Variants in VARS2 observed in about 807,000 individuals in gnomAD.
VARS2 encodes the protein valyl-tRNA synthetase 2, mitochondrial.
Under a neutral mutation model 154.1 loss-of-function variants are expected in VARS2, and 105 were observed. That is an observed-to-expected ratio of 0.68 (90% CI 0.58 to 0.80). The LOEUF (loss-of-function observed/expected upper bound fraction) is 0.80. VARS2 is among the 30% of genes least tolerant of loss of function. VARS2 has a pLI of 0.00. For synonymous variants in VARS2, 483 were observed against 539.5 expected (o/e 0.90, Z 1.45); for missense variants, 1,157 against 1,361.4 (o/e 0.85, Z 2.36).
rs1794350030 is a variant in VARS2, at chr6:30,919,097, C to G, written c.1074+182C>G. The G allele has an allele frequency of 5.0e-6, 3 of 602,494 alleles. No homozygotes were observed. The highest frequency in any genetic ancestry group is 8.7e-6 in the Non-Finnish European group (3 of 343,460). 37.3% of individuals were successfully genotyped at this position (602,494 alleles called of 1,614,324 possible). A position where few individuals can be genotyped will look rare whatever the true frequency, so the allele number is the denominator to read the frequency against. ...TTTCTGTAGCTCAGGGGTTGACAAA[C>G]TGGCCCATGGTCCTAATCCAGCTTG... is the stretch of plus-strand genomic sequence containing the variant. On this transcript the variant is annotated intron_variant, in intron 11 of 29. Transcript: ENST00000676266. The surrounding 1 kb of genome is among the most constrained non-coding windows in gnomAD (Gnocchi z 4.5).
chr6:30,914,959 G>A lies in VARS2; in HGVS notation c.123G>A (p.Arg41=). The A allele has an allele frequency of 6.2e-7, 1 of 1,613,074 alleles. No individual in the cohort carries two copies. Among genetic ancestry groups the A allele is most frequent in the Non-Finnish European group, 8.5e-7 (1 of 1,180,038 alleles). ...AGCCCCATGGATCTCCCATCTCCCG[G>A]AGGAACCGTGAAGCCAAACAGAAGC... is the stretch of plus-strand genomic sequence containing the variant. ...QSEPHGSPIS[R]RNREAKQKRL... Residue 41 remains arginine, a synonymous_variant, in exon 2 of 30, where the codon CGG becomes CGA. Coordinates refer to ENST00000676266, the MANE Select transcript of VARS2 (RefSeq NM_020442.6).
At position 30,921,412 on chromosome 6, in the gene VARS2, A is replaced by G. The variant is rs1390855647; in HGVS notation, c.1632+107A>G. The G allele has an allele frequency of 3.4e-6, 5 of 1,477,786 alleles. No individual in the cohort carries two copies. Among genetic ancestry groups the G allele is most frequent in the Non-Finnish European group, 4.7e-6 (5 of 1,068,088 alleles). 91.5% of individuals were successfully genotyped at this position (1,477,786 alleles called of 1,614,324 possible). On this transcript the variant is annotated intron_variant, in intron 17 of 29. Coordinates refer to ENST00000676266, the MANE Select transcript of VARS2 (RefSeq NM_020442.6). The surrounding 1 kb of genome is among the most constrained non-coding windows in gnomAD (Gnocchi z 4.6). ...CCGCTCCTGCCTGGTCATGTGCTTC[A>G]TGCTCATAGTCATGTAACCTTCTGC...
chr6:30,916,078 G>C lies in VARS2; in HGVS notation c.573+31G>C. On this transcript the variant is annotated intron_variant, in intron 6 of 29. Transcript: ENST00000676266. The surrounding 1 kb of genome is among the most constrained non-coding windows in gnomAD (Gnocchi z 4.0). ...TCTTTTGTTACCTGTTCCTTTTCTTGGGCAAAAGCAATTTCTTCCCCCAAA... is the reference window on the plus strand; with the variant it reads ...TCTTTTGTTACCTGTTCCTTTTCTTCGGCAAAAGCAATTTCTTCCCCCAAA... 1 of 1,605,298 alleles carries C rather than the reference G, an allele frequency of 6.2e-7. No homozygotes were observed. The highest frequency in any genetic ancestry group is 8.5e-7 in the Non-Finnish European group (1 of 1,177,610).
Position 30,919,885 on chromosome 6 carries a change from G to A in VARS2, c.1165+37G>A. On this transcript the variant is annotated intron_variant, in intron 12 of 29. Transcript: ENST00000676266. This position sits in a 1 kb window ranked among gnomAD's most constrained non-coding sequence, Gnocchi z 4.5. ...TCAGGGGAGGGAGAGAAAGTTGGGG[G>A]TCCTGGAGGAGAGGGGAGGGAACCA... 1 of 1,525,856 alleles carries A rather than the reference G, an allele frequency of 6.6e-7. No individual in the cohort carries two copies. Among genetic ancestry groups the A allele is most frequent in the South Asian group, 1.3e-5 (1 of 78,852 alleles). The allele number at this position is 1,525,856 out of a possible 1,614,324, so 94.5% of individuals were successfully genotyped here.
Position 30,925,321 on chromosome 6 carries a change from A to G in VARS2, c.2721A>G (p.Gln907=), listed in dbSNP as rs748897597. Residue 907 remains glutamine, a synonymous_variant, in exon 27 of 30, where the codon CAA becomes CAG. Coordinates refer to ENST00000676266, the MANE Select transcript of VARS2 (RefSeq NM_020442.6). ...TGGAGCGGCGCTTCTCCCGGGTCCAAGAGGTCGTGCAGGTGCTAAGGGCTC... is the reference window on the plus strand; with the variant it reads ...TGGAGCGGCGCTTCTCCCGGGTCCAGGAGGTCGTGCAGGTGCTAAGGGCTC... ...PELERRFSRV[Q]EVVQVLRALR... The G allele has an allele frequency of 1.9e-6, 3 of 1,612,702 alleles. No homozygotes were observed. The highest frequency in any genetic ancestry group is 2.5e-6 in the Non-Finnish European group (3 of 1,179,872).
chr6:30,919,199 A>G lies in VARS2; in HGVS notation c.1074+284A>G, dbSNP rs944137743. 3.3e-5 allele frequency: 10 copies of G among 304,442 alleles called. No individual in the cohort carries two copies. Among genetic ancestry groups the G allele is most frequent in the African/African-American group, 1.5e-4 (7 of 46,556 alleles). 18.9% of individuals were successfully genotyped at this position (304,442 alleles called of 1,614,324 possible). Reference sequence around the variant, plus strand: ...AGTGGTGTGATCTTGGCTCACTGCAACCTCCACCTCCTGGGTTCAAGCAAT... The same window carrying G: ...AGTGGTGTGATCTTGGCTCACTGCAGCCTCCACCTCCTGGGTTCAAGCAAT... On this transcript the variant is annotated intron_variant, in intron 11 of 29. Transcript: ENST00000676266. The surrounding 1 kb of genome is among the most constrained non-coding windows in gnomAD (Gnocchi z 4.5).
chr6:30,916,323 T>C lies in VARS2; in HGVS notation c.671+74T>C, dbSNP rs1473675784. 1 of 1,264,092 alleles carries C rather than the reference T, an allele frequency of 7.9e-7. No homozygotes were observed. The highest frequency in any genetic ancestry group is 1.1e-6 in the Non-Finnish European group (1 of 911,380). 78.3% of individuals were successfully genotyped at this position (1,264,092 alleles called of 1,614,324 possible). ...TCTTGCCTCCCACCACTATCACTCC[T>C]GACTTGTAATCCTTGGCTCTTCCCG... On this transcript the variant is annotated intron_variant, in intron 7 of 29. Coordinates refer to ENST00000676266, the MANE Select transcript of VARS2 (RefSeq NM_020442.6). This position sits in a 1 kb window ranked among gnomAD's most constrained non-coding sequence, Gnocchi z 4.0.
chr6:30,925,473 C>G (rs376078233), intron 27 of VARS2, 71 bp from the exon 28 acceptor site: 9 of 1,560,908 alleles, frequency 5.8e-6, no homozygotes, highest in Admixed American at 1.9e-5. Context: ...CCAACCCCCC[C>G]GTTAGGAGGT....
Position 30,916,379 on chromosome 6 carries a change from C to T in VARS2, c.671+130C>T. The stretch of plus-strand genomic sequence containing the variant: ...GCTCTGACTTCCTCAGAGATGGAAG[C>T]TCTGGAGCCTGTTAACATTTGGTGG... On this transcript the variant is annotated intron_variant, in intron 7 of 29. Coordinates refer to ENST00000676266, the MANE Select transcript of VARS2 (RefSeq NM_020442.6). The surrounding 1 kb of genome is among the most constrained non-coding windows in gnomAD (Gnocchi z 4.0). 1 of 751,070 alleles carries T rather than the reference C, an allele frequency of 1.3e-6. No individual in the cohort carries two copies. The highest frequency in any genetic ancestry group is 2.0e-5 in the South Asian group (1 of 50,388). 46.5% of individuals were successfully genotyped at this position (751,070 alleles called of 1,614,324 possible).
In VARS2 at chr6:30,920,453, T is replaced by C; in HGVS notation, c.1397+17T>C. ...CATCTGCAGGTAACCTCATTTTAAC[T>C]CCTTTACTAAGGGCTACCCCAAAAG... On this transcript the variant is annotated intron_variant, in intron 14 of 29. Coordinates refer to ENST00000676266, the MANE Select transcript of VARS2 (RefSeq NM_020442.6). The surrounding 1 kb of genome is among the most constrained non-coding windows in gnomAD (Gnocchi z 4.6). 1.3e-6 allele frequency: 2 copies of C among 1,592,098 alleles called. No homozygotes were observed. Among genetic ancestry groups the C allele is most frequent in the South Asian group, 1.1e-5 (1 of 86,964 alleles).
chr6:30,923,610 C>T, intron 25 of VARS2, 105 bp downstream of exon 25: 1 of 1,487,582 alleles, frequency 6.7e-7, no homozygotes, highest in Non-Finnish European at 9.0e-7. Context: ...CAATTGTCCC[C>T]TCAGTTAGGA....
rs2150559080 is a variant in VARS2, at chr6:30,920,086, A to C, written c.1166-3A>C. The stretch of plus-strand genomic sequence containing the variant: ...AGTACTCACCATGGCTGTGCTCCCC[A>C]AGGGGCAGTGAAGGTGACTCCAGCT... On this transcript the variant is annotated splice_polypyrimidine_tract_variant and splice_region_variant and intron_variant, in intron 12 of 29. Coordinates refer to ENST00000676266, the MANE Select transcript of VARS2 (RefSeq NM_020442.6). This position sits in a 1 kb window ranked among gnomAD's most constrained non-coding sequence, Gnocchi z 4.6. The C allele has an allele frequency of 6.5e-7, 1 of 1,535,872 alleles. No homozygotes were observed. Among genetic ancestry groups the C allele is most frequent in the Non-Finnish European group, 8.7e-7 (1 of 1,143,224 alleles).
At chr6:30,922,853 C>A in intron 22 of VARS2, 45 bp from the exon 23 acceptor site, 1 of 1,580,230 alleles carries the variant, frequency 6.3e-7, no homozygotes, top group Non-Finnish European at 8.6e-7. Flanking sequence ...CCTGGCCCTG[C>A]AGCCACAAAG....
Position 30,922,992 on chromosome 6 carries a change from G to C in VARS2, c.2185+16G>C. On this transcript the variant is annotated intron_variant, in intron 23 of 29. Coordinates refer to ENST00000676266, the MANE Select transcript of VARS2 (RefSeq NM_020442.6). Reference sequence around the variant, plus strand: ...GGAGTTCAGGGTAAGCCTGGGCGAGGGGTGTCGGGGTGAGCAGAGGGCAGC... The same window carrying C: ...GGAGTTCAGGGTAAGCCTGGGCGAGCGGTGTCGGGGTGAGCAGAGGGCAGC... The C allele has an allele frequency of 6.2e-7, 1 of 1,605,276 alleles. No individual in the cohort carries two copies. The highest frequency in any genetic ancestry group is 8.5e-7 in the Non-Finnish European group (1 of 1,174,800).
chr6:30,919,888 C>T lies in VARS2; in HGVS notation c.1165+40C>T, dbSNP rs768092624. The T allele has an allele frequency of 7.2e-6, 11 of 1,520,990 alleles. No individual in the cohort carries two copies. The South Asian group carries it at 1.2e-4, about 16-fold the overall frequency. The allele number at this position is 1,520,990 out of a possible 1,614,324, so 94.2% of individuals were successfully genotyped here. A position where few individuals can be genotyped will look rare whatever the true frequency, so the allele number is the denominator to read the frequency against. On this transcript the variant is annotated intron_variant, in intron 12 of 29. Transcript: ENST00000676266. This position sits in a 1 kb window ranked among gnomAD's most constrained non-coding sequence, Gnocchi z 4.5. ...GGGGAGGGAGAGAAAGTTGGGGGTC[C>T]TGGAGGAGAGGGGAGGGAACCAGGA...
chr6:30,922,584 A>G (rs1794592961), intron 21 of VARS2, 30 bp downstream of exon 21: 9 of 1,557,990 alleles, frequency 5.8e-6, no homozygotes, highest in Non-Finnish European at 7.8e-6. Flanking sequence ...TAGAGGGACA[A>G]GGTTTGCAGG....
intron 4 of VARS2, 106 bp from the exon 5 acceptor site, chr6:30,915,640 G>T (rs1379150603): frequency 1.9e-6 from 3 of 1,546,274 alleles, no homozygotes; most frequent in Non-Finnish European, 1.8e-6. Flanking sequence ...CCTCTTATTT[G>T]CAGGACAGTT....
At position 30,923,522 on chromosome 6, in the gene VARS2, G is replaced by A. The variant is rs773675310; in HGVS notation, c.2466+17G>A. The A allele has an allele frequency of 3.7e-6, 6 of 1,602,284 alleles. No individual in the cohort carries two copies. The Admixed American group carries it at 1.0e-4, about 27-fold the overall frequency. ...GTCTACCTGGTGAGTGAGGCTGGGG[G>A]AGGCTTGGTATTCCCATGCCTGCTT... On this transcript the variant is annotated intron_variant, in intron 25 of 29. Coordinates refer to ENST00000676266, the MANE Select transcript of VARS2 (RefSeq NM_020442.6).
Position 30,916,315 on chromosome 6 carries a change from A to G in VARS2, c.671+66A>G. 4 of 1,343,790 alleles carry G rather than the reference A, an allele frequency of 3.0e-6. No homozygotes were observed. Among genetic ancestry groups the G allele is most frequent in the South Asian group, 1.4e-5 (1 of 73,680 alleles). The allele number at this position is 1,343,790 out of a possible 1,614,324, so 83.2% of individuals were successfully genotyped here. On this transcript the variant is annotated intron_variant, in intron 7 of 29. Transcript: ENST00000676266. The surrounding 1 kb of genome is among the most constrained non-coding windows in gnomAD (Gnocchi z 4.0). ...ATTTGGTTTCTTGCCTCCCACCACT[A>G]TCACTCCTGACTTGTAATCCTTGGC...
Sources: allele counts gnomAD v4.1 joint callset, GRCh38; gene constraint gnomAD v4.1.1; non-coding constraint Gnocchi (gnomAD v3.1); transcripts MANE v1.5; gene names NCBI Gene and HGNC (gene_info 2026-07-23, HGNC 2026-07-21).